The following EML6 variants were observed in gnomAD, a reference collection of about 807,000 sequenced individuals.
EML6 encodes the protein EMAP like 6.
EML6 carries 154 observed loss-of-function variants against 240.1 expected under a neutral mutation model. That is an observed-to-expected ratio of 0.64 (90% CI 0.56 to 0.73). The LOEUF is 0.73. EML6 is among the 30% of genes least tolerant of loss of function. The pLI is 0.00. For missense variants in EML6, 2,964 were observed against 2,474.6 expected, an observed-to-expected ratio of 1.20 and a Z score of -4.20; for synonymous variants, 1,148 against 899.0, an observed-to-expected ratio of 1.28 and a Z score of -4.95.
intron 17 of EML6, among the ~76,000 whole-genome samples, chr2:54,889,165 A>G (rs1199343954): frequency 2.0e-5 from 3 of 152,186 alleles, no homozygotes; most frequent in Admixed American, 1.3e-4. Context: ...GTCAACTCAT[A>G]CACAGGTACT....
Position 54,863,845 on chromosome 2 carries a change from G to A in EML6, c.1888G>A (p.Asp630Asn). 6.5e-7 allele frequency: 1 copy of A among 1,548,952 alleles called. No homozygotes were observed. The highest frequency in any genetic ancestry group is 8.7e-7 in the Non-Finnish European group (1 of 1,145,848). ...DSDLSDVPEL[D>N]SDIEQEAQIN... is the part of the protein sequence containing the mutation. ...AGATTTATCTGATGTGCCCGAACTG[G>A]ACTCTGATATTGAGCAAGAAGCTCA... Residue 630 changes from aspartate (D) to asparagine (N), a missense_variant, in exon 13 of 42, where the codon GAC becomes AAC. By Grantham distance (23) the Asp-to-Asn change is conservative. Coordinates refer to ENST00000356458, the MANE Select transcript of EML6 (RefSeq NM_001039753.4).
At chr2:54,847,392 C>CTG in intron 8 of EML6, 94 bp from the exon 9 acceptor site, 1 of 1,306,778 alleles carries the variant, frequency 7.7e-7, no homozygotes. Context: ...TTTCTTGTTA[C>CTG]TGTTGGTGTG....
chr2:54,801,978 G>A (rs1670176503), intron 2 of EML6, among the ~76,000 whole-genome samples: 1 of 152,306 alleles, frequency 6.6e-6, no homozygotes, highest in African/African-American at 2.4e-5. Context: ...CATGAAGGAT[G>A]CCTGTGTTGT....
intron 28 of EML6, among the ~76,000 whole-genome samples, chr2:54,932,210 G>A (rs1311617290): frequency 2.6e-5 from 4 of 152,166 alleles, no homozygotes; most frequent in Non-Finnish European, 5.9e-5. Flanking sequence ...GGTGTTCAGC[G>A]GGTAGCCCAG....
rs1303980733 is a variant in EML6 at position 54,762,231 on chromosome 2, G to GATGTTTATCTGATCTGA, written c.197+36973_197+36974insATGTTTATCTGATCTGA. Among the ~76,000 whole-genome samples, 147 of 152,194 alleles carry GATGTTTATCTGATCTGA rather than the reference G, an allele frequency of 9.7e-4. 2 individuals are homozygous for GATGTTTATCTGATCTGA. In the East Asian group the frequency reaches 0.023, roughly 24 times the overall value. ...TCTTTTACTGAATGTCCCTCAAGTTGGGTTTATCTGATGTTTCCTCATGAT... is the reference window on the plus strand; with the variant it reads ...TCTTTTACTGAATGTCCCTCAAGTTGATGTTTATCTGATCTGAGGTTTATCTGATGTTTCCTCATGAT... On this transcript the variant is annotated intron_variant, in intron 2 of 41. Coordinates refer to ENST00000356458, the MANE Select transcript of EML6 (RefSeq NM_001039753.4).
chr2:54,763,853 T>C (rs969497679), intron 2 of EML6, among the ~76,000 whole-genome samples: 1 of 152,192 alleles, frequency 6.6e-6, no homozygotes, highest in Non-Finnish European at 1.5e-5. Context: ...GCTCTGATGC[T>C]GCCTTCAGGC....
intron 33 of EML6, among the ~76,000 whole-genome samples, chr2:54,958,502 T>C (rs1336244861): frequency 6.6e-6 from 1 of 152,042 alleles, no homozygotes; most frequent in African/African-American, 2.4e-5. Flanking sequence ...AATATTTTTT[T>C]TTTCTTAAAA....
At chr2:54,926,858 C>T (rs1223715186) in intron 26 of EML6, among the ~76,000 whole-genome samples, 1 of 152,106 alleles carries the variant, frequency 6.6e-6, no homozygotes, top group Non-Finnish European at 1.5e-5. Flanking sequence ...TTGAACCTTT[C>T]TTTTTGCATT....
chr2:54,892,805 G>C, intron 19 of EML6, 149 bp downstream of exon 19: 2 of 612,076 alleles, frequency 3.3e-6, no homozygotes, highest in South Asian at 2.4e-5. Context: ...AGAGACAATA[G>C]GGAGGAAAGC....
At chr2:54,957,166 C>G (rs1000299343) in intron 32 of EML6, among the ~76,000 whole-genome samples, 4 of 151,876 alleles carry the variant, frequency 2.6e-5, no homozygotes, top group Non-Finnish European at 4.4e-5. Flanking sequence ...AATAATTTGT[C>G]TAAAGTTGTT....
chr2:54,926,043 C>T (rs1280092234), intron 26 of EML6, among the ~76,000 whole-genome samples: 3 of 152,142 alleles, frequency 2.0e-5, no homozygotes, highest in Non-Finnish European at 2.9e-5. Flanking sequence ...ACAGCTTTCA[C>T]GAGATTCTCA....
At chr2:54,828,842 A>G (rs1668724052) in intron 6 of EML6, among the ~76,000 whole-genome samples, 1 of 152,266 alleles carries the variant, frequency 6.6e-6, no homozygotes, top group Non-Finnish European at 1.5e-5. Context: ...TTAACAAGCG[A>G]ACACAAGTGC....
chr2:54,938,996 A>G lies in EML6; in HGVS notation c.4005-9886A>G, dbSNP rs77255044. Among the ~76,000 whole-genome samples, 647 of 152,356 alleles carry G rather than the reference A, an allele frequency of 4.2e-3. 5 individuals are homozygous for G. Among genetic ancestry groups the G allele is most frequent in the African/African-American group, 0.015 (633 of 41,580 alleles). ...TCCCAAGTAGGTTGTCAACTCTGTG[A>G]AAGCAAAATTTCTGTTTTATACACT... On this transcript the variant is annotated intron_variant, in intron 28 of 41. Transcript: ENST00000356458.
intron 23 of EML6, 46 bp downstream of exon 23, chr2:54,903,242 CA>C: frequency 6.5e-7 from 1 of 1,528,610 alleles, no homozygotes; most frequent in Non-Finnish European, 8.8e-7. Context: ...AGTCTTGGGA[CA>C]AAAAATTACA....
In EML6 at chr2:54,928,530, G is replaced by C; in HGVS notation, c.3877+16G>C. 1.9e-6 allele frequency: 3 copies of C among 1,544,904 alleles called. No homozygotes were observed. The highest frequency in any genetic ancestry group is 2.6e-6 in the Non-Finnish European group (3 of 1,142,108). On this transcript the variant is annotated intron_variant, in intron 27 of 41. Transcript: ENST00000356458. The stretch of plus-strand genomic sequence containing the variant: ...GAGGATGGAGGTGAGCCCCCCACCT[G>C]CCACATGCCTCCTGCGCCGAATGCA...
chr2:54,950,436 T>C (rs1675915823), intron 29 of EML6, among the ~76,000 whole-genome samples: 1 of 152,252 alleles, frequency 6.6e-6, no homozygotes. Flanking sequence ...ATTCTGTGTG[T>C]TAGACTGCCA....
chr2:54,796,593 A>G (rs1468394605), intron 2 of EML6, among the ~76,000 whole-genome samples: 1 of 152,054 alleles, frequency 6.6e-6, no homozygotes, highest in African/African-American at 2.4e-5. Context: ...AAAATTGAGT[A>G]TATTAAATGT....
intron 26 of EML6, among the ~76,000 whole-genome samples, chr2:54,917,828 A>C (rs971690393): frequency 1.3e-5 from 2 of 152,146 alleles, no homozygotes; most frequent in African/African-American, 4.8e-5. Context: ...TCGATGGCTT[A>C]CAGCTGTCCC....
Position 54,826,462 on chromosome 2 carries a change from C to T in EML6, c.526-1104C>T, listed in dbSNP as rs538647695. ...AAAAATACACAAAACTAGCTGGGTG[C>T]GGAGGCACATGCCTGTAGTCCCAGC... On this transcript the variant is annotated intron_variant, in intron 5 of 41. Coordinates refer to ENST00000356458, the MANE Select transcript of EML6 (RefSeq NM_001039753.4). Among the ~76,000 whole-genome samples, 41 of 152,032 alleles carry T rather than the reference C, an allele frequency of 2.7e-4. 1 individual carries two copies. The highest frequency in any genetic ancestry group is 7.8e-4 in the East Asian group (4 of 5,142).
Sources: allele counts gnomAD v4.1 joint callset (sites outside exome capture counted in the v4.1 genomes callset), GRCh38; gene constraint gnomAD v4.1.1; transcripts MANE v1.5; gene names NCBI Gene and HGNC (gene_info 2026-07-23, HGNC 2026-07-21).